The following ZNF727 variants were observed in gnomAD, a reference collection of about 807,000 sequenced individuals.
The protein encoded by ZNF727 is putative zinc finger protein 727.
Under a neutral mutation model 11.5 loss-of-function variants are expected in ZNF727, and 11 were observed. The ratio of observed to expected loss-of-function variants is 0.95; its 90% CI spans 0.60 to 1.58. ZNF727 has a LOEUF of 1.58. Ranked by LOEUF, ZNF727 falls within the 40% of genes most tolerant of loss-of-function variation. The pLI, the probability that ZNF727 is intolerant of heterozygous loss-of-function variation, is 0.00. For synonymous variants in ZNF727, 171 were observed against 196.1 expected, an observed-to-expected ratio of 0.87 and a Z score of 1.07; for missense variants, 533 against 581.7, an observed-to-expected ratio of 0.92 and a Z score of 0.86.
intron 1 of ZNF727, among the ~76,000 whole-genome samples, chr7:64,065,561 GATA>G (rs1789849977): frequency 6.6e-6 from 1 of 152,176 alleles, no homozygotes; most frequent in Admixed American, 6.6e-5. Context: ...AATTTGTGCA[GATA>G]ATCACACCTG....
At chr7:64,068,847 G>T (rs963821930) in intron 1 of ZNF727, 44 bp from the exon 2 acceptor site, 1 of 1,553,262 alleles carries the variant, frequency 6.4e-7, no homozygotes, top group Non-Finnish European at 8.7e-7. Flanking sequence ...GTCAAATCAA[G>T]AATTATTTCT....
At position 64,083,255 on chromosome 7, in the gene ZNF727, T is replaced by C. The variant is rs1197325596; in HGVS notation, c.*4706T>C. The stretch of plus-strand genomic sequence containing the variant: ...CGATCAGCTTGGGCTCTTCAACACA[T>C]GAAGGTTGGAATGGCTAAGTTGCCC... On this transcript the variant is annotated 3_prime_UTR_variant, in exon 4 of 4. Transcript: ENST00000456806. 2.6e-5 allele frequency among the ~76,000 whole-genome samples: 4 copies of C among 152,088 alleles called. No individual in the cohort carries two copies. Among genetic ancestry groups the C allele is most frequent in the South Asian group, 4.2e-4 (2 of 4,818 alleles).
At chr7:64,075,320 A>G (rs1213070113) in intron 3 of ZNF727, among the ~76,000 whole-genome samples, 1 of 152,168 alleles carries the variant, frequency 6.6e-6, no homozygotes, top group African/African-American at 2.4e-5. Context: ...TATATTAATG[A>G]CATAATAAAT....
At chr7:64,048,119 A>G (rs1051482309) in intron 1 of ZNF727, among the ~76,000 whole-genome samples, 2 of 152,182 alleles carry the variant, frequency 1.3e-5, no homozygotes, top group African/African-American at 4.8e-5. Flanking sequence ...TTGAATATAT[A>G]TGTTCAGTTA....
At chr7:64,054,276 A>C (rs1332571549) in intron 1 of ZNF727, among the ~76,000 whole-genome samples, 1 of 152,200 alleles carries the variant, frequency 6.6e-6, no homozygotes, top group African/African-American at 2.4e-5. Flanking sequence ...TCAAAAGGAG[A>C]GAAAGATGAG....
chr7:64,074,711 A>C (rs1302475285), intron 3 of ZNF727, among the ~76,000 whole-genome samples: 1 of 152,188 alleles, frequency 6.6e-6, no homozygotes, highest in African/African-American at 2.4e-5. Context: ...TTTCACTTCG[A>C]AAGTATCTTT....
chr7:64,056,357 A>G (rs1051721668), intron 1 of ZNF727, among the ~76,000 whole-genome samples: 16 of 152,196 alleles, frequency 1.1e-4, no homozygotes, highest in African/African-American at 3.9e-4. Flanking sequence ...ATACAGTGTG[A>G]GCAGGAGTGA....
intron 1 of ZNF727, among the ~76,000 whole-genome samples, chr7:64,052,076 A>G (rs1789607746): frequency 6.6e-6 from 1 of 152,184 alleles, no homozygotes; most frequent in Admixed American, 6.5e-5. Context: ...TCAGTTTTCC[A>G]TAATTTAGAA....
chr7:64,068,093 T>C (rs1789899695), intron 1 of ZNF727, among the ~76,000 whole-genome samples: 1 of 152,112 alleles, frequency 6.6e-6, no homozygotes, highest in African/African-American at 2.4e-5. Context: ...CCTTTGTTAA[T>C]CAGCACCGGA....
chr7:64,050,109 G>GT (rs2050827963), intron 1 of ZNF727, among the ~76,000 whole-genome samples: 1 of 151,504 alleles, frequency 6.6e-6, no homozygotes, highest in Non-Finnish European at 1.5e-5. Context: ...AGAAGACACT[G>GT]TTTTTTATTA....
intron 3 of ZNF727, among the ~76,000 whole-genome samples, chr7:64,072,971 T>C (rs1389773776): frequency 6.6e-6 from 1 of 152,166 alleles, no homozygotes; most frequent in Non-Finnish European, 1.5e-5. Flanking sequence ...ACAGAGTTGC[T>C]AGGATTACAG....
chr7:64,063,426 G>A (rs1173920656), intron 1 of ZNF727, among the ~76,000 whole-genome samples: 2 of 152,130 alleles, frequency 1.3e-5, no homozygotes, highest in Non-Finnish European at 2.9e-5. Flanking sequence ...AGAGTCTCTG[G>A]GTTACCAGGC....
chr7:64,071,541 T>C (rs1243069440), intron 3 of ZNF727, among the ~76,000 whole-genome samples: 1 of 152,022 alleles, frequency 6.6e-6, no homozygotes, highest in East Asian at 1.9e-4. Flanking sequence ...TAACCACTTA[T>C]CGGATATGGT....
chr7:64,052,055 G>A lies in ZNF727; in HGVS notation c.3+6431G>A, dbSNP rs556607987. Among the ~76,000 whole-genome samples the A allele has an allele frequency of 6.6e-5, 10 of 152,264 alleles. No homozygotes were observed. The South Asian group carries it at 2.1e-3, about 32-fold the overall frequency. On this transcript the variant is annotated intron_variant, in intron 1 of 3. Coordinates refer to ENST00000456806, the MANE Select transcript of ZNF727 (RefSeq NM_001159522.3). ...GGATGTTACCTAGAAGGAAAGGCAT[G>A]GTTTTGATGATCAGTTTTCCATAAT...
intron 3 of ZNF727, among the ~76,000 whole-genome samples, chr7:64,075,495 T>C (rs1252202809): frequency 6.6e-6 from 1 of 151,996 alleles, no homozygotes; most frequent in Non-Finnish European, 1.5e-5. Context: ...TCTAGTTGCC[T>C]ATCAGTGGTG....
At chr7:64,058,950 C>CTTTTTTTTTTTTTTTTTTTTTTTTTTTT (rs560995822) in intron 1 of ZNF727, among the ~76,000 whole-genome samples, 1 of 145,384 alleles carries the variant, frequency 6.9e-6, no homozygotes, top group African/African-American at 2.5e-5. Flanking sequence ...ATTGCATTGT[C>CTTTTTTTTTTTTTTTTTTTTTTTTTTTT]TTTTTTTTTT....
chr7:64,061,057 A>G (rs1789762655), intron 1 of ZNF727, among the ~76,000 whole-genome samples: 1 of 152,014 alleles, frequency 6.6e-6, no homozygotes, highest in African/African-American at 2.4e-5. Context: ...TTATTTGGGG[A>G]GAGCTTATTT....
At position 64,077,781 on chromosome 7, in the gene ZNF727, T is replaced by A. The variant is rs1167191137; in HGVS notation, c.732T>A (p.Thr244=). 5.1e-6 allele frequency: 8 copies of A among 1,574,368 alleles called. No homozygotes were observed. The highest frequency in any genetic ancestry group is 6.9e-6 in the Non-Finnish European group (8 of 1,159,552). The part of the protein sequence containing the change: ...GKTFTCSSAL[T]KHKRNHTGDR... ...CATTTACCTGTTCCTCAGCCCTTACTAAACACAAGAGAAATCATACTGGAG... is the reference window on the plus strand; with the variant it reads ...CATTTACCTGTTCCTCAGCCCTTACAAAACACAAGAGAAATCATACTGGAG... The change falls in exon 4 of 4, where the codon ACT becomes ACA. Residue 244 remains threonine, a synonymous_variant. Coordinates refer to ENST00000456806, the MANE Select transcript of ZNF727 (RefSeq NM_001159522.3).
At chr7:64,068,810 G>A (rs766259357) in intron 1 of ZNF727, 81 bp from the exon 2 acceptor site, 38 of 1,488,680 alleles carry the variant, frequency 2.6e-5, no homozygotes, top group Non-Finnish European at 3.4e-5. Context: ...GTCAGAACCA[G>A]CTCTCTTTAC....
Sources: allele counts gnomAD v4.1 joint callset (sites outside exome capture counted in the v4.1 genomes callset), GRCh38; gene constraint gnomAD v4.1.1; transcripts MANE v1.5; gene names NCBI Gene and HGNC (gene_info 2026-07-23, HGNC 2026-07-21).